GALNT13: variants seen among roughly 807,000 people sequenced by gnomAD.
GALNT13 encodes the protein UDP-GalNAc:polypeptide N-acetylgalactosaminyltransferase 13.
A neutral mutation model predicts 64.2 loss-of-function variants in GALNT13; 28 were observed. The ratio of observed to expected loss-of-function variants is 0.44; its 90% CI spans 0.32 to 0.60. The LOEUF (loss-of-function observed/expected upper bound fraction) is 0.60, where lower values mean the gene tolerates loss of function less well. Among genes scored for constraint, GALNT13 ranks in the 20% least tolerant of loss-of-function variants. The probability of loss-of-function intolerance (pLI) is 0.05; values close to 1 mark genes in which losing one functional copy is unlikely to be tolerated. For missense variants in GALNT13, 577 were observed against 669.8 expected, an observed-to-expected ratio of 0.86 and a Z score of 1.53; for synonymous variants, 214 against 224.6, an observed-to-expected ratio of 0.95 and a Z score of 0.42.
At chr2:154,158,679 C>G (rs1684564676) in intron 4 of GALNT13, among the ~76,000 whole-genome samples, 1 of 152,168 alleles carries the variant, frequency 6.6e-6, no homozygotes, top group African/African-American at 2.4e-5. Flanking sequence ...CTTTTTACTT[C>G]CTATTCTCTC....
chr2:153,737,411 G>A, the GALNT13 span, among the ~76,000 whole-genome samples: 4 of 150,412 alleles, frequency 2.7e-5, no homozygotes, highest in African/African-American at 7.4e-5. Context: ...TTTTATTTTG[G>A]TGGCCTCGTG....
At chr2:153,543,697 A>T in the GALNT13 span, among the ~76,000 whole-genome samples, 4 of 151,960 alleles carry the variant, frequency 2.6e-5, no homozygotes, top group Non-Finnish European at 5.9e-5. Flanking sequence ...CTGGGAAAAC[A>T]AAATTGTCAA....
the GALNT13 span, among the ~76,000 whole-genome samples, chr2:153,143,257 T>A: frequency 6.6e-6 from 1 of 152,002 alleles, no homozygotes; most frequent in Non-Finnish European, 1.5e-5. Flanking sequence ...AATGGTAATT[T>A]CTCTTTTGCA....
chr2:153,688,200 T>C, the GALNT13 span, among the ~76,000 whole-genome samples: 73 of 152,086 alleles, frequency 4.8e-4, no homozygotes, highest in African/African-American at 1.6e-3. Context: ...TGCTATAAAC[T>C]ACAGTGGCAA....
chr2:153,554,345 A>C, the GALNT13 span, among the ~76,000 whole-genome samples: 1 of 152,054 alleles, frequency 6.6e-6, no homozygotes, highest in Admixed American at 6.6e-5. Flanking sequence ...AAAACAAAAA[A>C]AAAAAGTTTG....
At chr2:153,343,801 T>C in the GALNT13 span, among the ~76,000 whole-genome samples, 1 of 152,100 alleles carries the variant, frequency 6.6e-6, no homozygotes, top group Non-Finnish European at 1.5e-5. Flanking sequence ...CCCCTCCCAA[T>C]AAGATTTCTA....
the GALNT13 span, among the ~76,000 whole-genome samples, chr2:153,556,850 C>T: frequency 2.0e-5 from 3 of 152,304 alleles, no homozygotes; most frequent in East Asian, 1.9e-4. Flanking sequence ...CCATCTACTT[C>T]ACTGGCCTTA....
intron 3 of GALNT13, among the ~76,000 whole-genome samples, chr2:154,061,745 A>T (rs200323759): frequency 3.3e-5 from 5 of 151,094 alleles, no homozygotes; most frequent in Non-Finnish European, 7.4e-5. Flanking sequence ...TCAACATGGA[A>T]TTTTTTTATT....
At chr2:154,020,377 TTAATGATCACCATTC>T (rs890880626) in intron 3 of GALNT13, among the ~76,000 whole-genome samples, 2 of 152,230 alleles carry the variant, frequency 1.3e-5, no homozygotes, top group African/African-American at 2.4e-5. Flanking sequence ...TCCTGACTTT[TTAATGATCACCATTC>T]TAACTGGTGT....
chr2:153,311,082 A>G, the GALNT13 span, among the ~76,000 whole-genome samples: 5 of 152,334 alleles, frequency 3.3e-5, no homozygotes, highest in South Asian at 2.1e-4. Context: ...AAGGAAGACA[A>G]TATTTTCAGG....
intron 2 of GALNT13, among the ~76,000 whole-genome samples, chr2:153,906,949 G>A (rs1425964679): frequency 6.6e-6 from 1 of 151,732 alleles, no homozygotes; most frequent in Non-Finnish European, 1.5e-5. Flanking sequence ...TAACTGGTGT[G>A]AGATGGTATC....
intron 3 of GALNT13, among the ~76,000 whole-genome samples, chr2:154,051,279 C>CTTTTTTTTTTTT (rs34890901): frequency 9.8e-6 from 1 of 102,298 alleles, no homozygotes; most frequent in Non-Finnish European, 1.9e-5. Flanking sequence ...CTTACTCCTT[C>CTTTTTTTTTTTT]TTTTTTTTTT....
the GALNT13 span, among the ~76,000 whole-genome samples, chr2:153,118,142 CA>C: frequency 6.8e-6 from 1 of 147,984 alleles, no homozygotes; most frequent in Admixed American, 6.8e-5. Flanking sequence ...CACACACACA[CA>C]CACCCCACAT....
the GALNT13 span, among the ~76,000 whole-genome samples, chr2:153,669,588 G>C: frequency 6.6e-6 from 1 of 152,152 alleles, no homozygotes; most frequent in South Asian, 2.1e-4. Context: ...GAACAGCTCT[G>C]GTCTACAGCT....
chr2:154,200,806 A>G (rs1351418077), intron 4 of GALNT13, among the ~76,000 whole-genome samples: 1 of 152,120 alleles, frequency 6.6e-6, no homozygotes, highest in East Asian at 1.9e-4. Context: ...TTTGGAGAGG[A>G]CACATTCTGA....
chr2:153,230,042 T>C, the GALNT13 span, among the ~76,000 whole-genome samples: 1 of 152,218 alleles, frequency 6.6e-6, no homozygotes, highest in Admixed American at 6.5e-5. Flanking sequence ...AGGCATTAAA[T>C]ATTTGATCAA....
At chr2:153,644,421 T>G in the GALNT13 span, among the ~76,000 whole-genome samples, 2 of 152,058 alleles carry the variant, frequency 1.3e-5, no homozygotes, top group Non-Finnish European at 2.9e-5. Flanking sequence ...TCTCTGAAGC[T>G]TAAGGGCTAG....
chr2:153,491,548 C>A, the GALNT13 span, among the ~76,000 whole-genome samples: 1 of 151,882 alleles, frequency 6.6e-6, no homozygotes. Context: ...AAGAGCCATG[C>A]CAGAAGATCA....
chr2:154,043,453 T>TAGAC (rs1451883209), intron 3 of GALNT13, among the ~76,000 whole-genome samples: 1 of 93,780 alleles, frequency 1.1e-5, no homozygotes, highest in South Asian at 4.4e-4. Context: ...TATATATATA[T>TAGAC]ATACACACAT....
Sources: allele counts gnomAD v4.1 joint callset (sites outside exome capture counted in the v4.1 genomes callset), GRCh38; gene constraint gnomAD v4.1.1; transcripts MANE v1.5; gene names NCBI Gene and HGNC (gene_info 2026-07-23, HGNC 2026-07-21).